Variants in RIT2 observed in about 807,000 individuals in gnomAD.
RIT2 encodes Ras like without CAAX 2.
RIT2 carries 24 observed loss-of-function variants against 23.7 expected under a neutral mutation model. The observed-to-expected ratio is 1.01, with a 90% CI of 0.73 to 1.43. The LOEUF is 1.43. Ranked by LOEUF, RIT2 falls within the 40% of genes most tolerant of loss-of-function variation. RIT2 has a pLI of 0.00. For synonymous variants in RIT2, 107 were observed against 91.1 expected (o/e 1.17, Z -0.99); for missense variants, 236 against 266.9 (o/e 0.88, Z 0.81).
At chr18:43,089,514 T>TA (rs902901002) in intron 1 of RIT2, among the ~76,000 whole-genome samples, 3 of 149,520 alleles carry the variant, frequency 2.0e-5, no homozygotes, top group East Asian at 2.0e-4. Flanking sequence ...AGACAATTTG[T>TA]AAAAAAAACT....
intron 4 of RIT2, among the ~76,000 whole-genome samples, chr18:42,881,648 C>A (rs1439718714): frequency 6.6e-6 from 1 of 152,126 alleles, no homozygotes; most frequent in Non-Finnish European, 1.5e-5. Context: ...ATCTTTATAT[C>A]TTTATCTGTC....
intron 2 of RIT2, among the ~76,000 whole-genome samples, chr18:43,015,401 C>G (rs1911451011): frequency 6.6e-6 from 1 of 151,532 alleles, no homozygotes; most frequent in Non-Finnish European, 1.5e-5. Context: ...TAAGTTTAAT[C>G]TGAAGTGGTA....
intron 1 of RIT2, among the ~76,000 whole-genome samples, chr18:43,053,814 C>T (rs1023279941): frequency 6.6e-6 from 1 of 152,050 alleles, no homozygotes; most frequent in Non-Finnish European, 1.5e-5. Flanking sequence ...CTTTCATATG[C>T]AAAGTAGTTC....
chr18:43,027,481 A>T (rs1424566224), intron 2 of RIT2, among the ~76,000 whole-genome samples: 1 of 152,048 alleles, frequency 6.6e-6, no homozygotes, highest in Non-Finnish European at 1.5e-5. Flanking sequence ...ATGTAGGAGC[A>T]TTGGCAGTTC....
chr18:42,794,151 GC>G (rs1178738908), intron 4 of RIT2, among the ~76,000 whole-genome samples: 1 of 152,104 alleles, frequency 6.6e-6, no homozygotes, highest in Non-Finnish European at 1.5e-5. Flanking sequence ...TGAAGGTAAG[GC>G]CAGGCACTCC....
intron 4 of RIT2, among the ~76,000 whole-genome samples, chr18:42,872,064 T>C (rs1313154965): frequency 6.6e-6 from 1 of 152,104 alleles, no homozygotes; most frequent in Non-Finnish European, 1.5e-5. Context: ...TTCATCATCT[T>C]GCTTTAAAAA....
At chr18:42,909,241 T>C (rs1908704021) in intron 4 of RIT2, among the ~76,000 whole-genome samples, 1 of 152,132 alleles carries the variant, frequency 6.6e-6, no homozygotes, top group Non-Finnish European at 1.5e-5. Context: ...AAATATCATA[T>C]GTTCTCACTT....
At chr18:43,114,349 T>C (rs1344949216) in intron 1 of RIT2, among the ~76,000 whole-genome samples, 1 of 152,136 alleles carries the variant, frequency 6.6e-6, no homozygotes, top group East Asian at 1.9e-4. Flanking sequence ...ATCTCCTTCC[T>C]CTTCCTTTAC....
chr18:42,941,612 G>A (rs1909601865), intron 3 of RIT2, among the ~76,000 whole-genome samples: 2 of 152,132 alleles, frequency 1.3e-5, no homozygotes, highest in Non-Finnish European at 2.9e-5. Flanking sequence ...ATTAAGCAGT[G>A]TTGTTGTGGA....
intron 4 of RIT2, among the ~76,000 whole-genome samples, chr18:42,822,096 A>G (rs939712896): frequency 2.6e-5 from 4 of 152,154 alleles, no homozygotes; most frequent in Non-Finnish European, 5.9e-5. Context: ...AGCTAAATGC[A>G]GAGGAGACAG....
chr18:43,058,021 T>A (rs2144318628), intron 1 of RIT2, among the ~76,000 whole-genome samples: 1 of 152,162 alleles, frequency 6.6e-6, no homozygotes, highest in South Asian at 2.1e-4. Context: ...AGATTTTAAT[T>A]TTGGCATAGC....
intron 3 of RIT2, among the ~76,000 whole-genome samples, chr18:42,938,528 A>G (rs942112024): frequency 6.6e-6 from 1 of 152,184 alleles, no homozygotes; most frequent in Non-Finnish European, 1.5e-5. Flanking sequence ...CTGTTGAAGG[A>G]AGACTTAACA....
At position 42,779,412 on chromosome 18, in the gene RIT2, A is replaced by C. The variant is rs1156915091; in HGVS notation, c.427-35692T>G. Among the ~76,000 whole-genome samples, 4 of 152,282 alleles carry C rather than the reference A, an allele frequency of 2.6e-5. No individual in the cohort carries two copies. The East Asian group carries it at 5.8e-4, about 22-fold the overall frequency. On this transcript the variant is annotated intron_variant, in intron 4 of 4. Transcript: ENST00000326695. Reference sequence around the variant, plus strand: ...AACACATAACCTGATCACATGGAGAAAATTCCCTCATAACATCCTACAGTG... The same window carrying C: ...AACACATAACCTGATCACATGGAGACAATTCCCTCATAACATCCTACAGTG...
intron 4 of RIT2, among the ~76,000 whole-genome samples, chr18:42,921,200 G>T (rs971170932): frequency 1.6e-4 from 25 of 152,112 alleles, no homozygotes; most frequent in Admixed American, 1.2e-3. Flanking sequence ...GCAGTTTTAA[G>T]AATAATTATT....
chr18:42,945,703 A>G (rs1909713079), intron 3 of RIT2, among the ~76,000 whole-genome samples: 1 of 152,132 alleles, frequency 6.6e-6, no homozygotes, highest in African/African-American at 2.4e-5. Context: ...TCCTTTTTAA[A>G]ACATGCATGC....
chr18:42,806,126 TATA>T (rs1905677388), intron 4 of RIT2, among the ~76,000 whole-genome samples: 2 of 144,778 alleles, frequency 1.4e-5, no homozygotes, highest in Admixed American at 6.9e-5. Flanking sequence ...TATATATATA[TATA>T]TTTTACAAAT....
chr18:43,025,944 A>G (rs950264104), intron 2 of RIT2, among the ~76,000 whole-genome samples: 1 of 152,144 alleles, frequency 6.6e-6, no homozygotes, highest in African/African-American at 2.4e-5. Context: ...CAATATATCC[A>G]TGAAACAAAA....
chr18:43,069,226 T>C (rs1446643509), intron 1 of RIT2, among the ~76,000 whole-genome samples: 1 of 147,914 alleles, frequency 6.8e-6, no homozygotes, highest in Non-Finnish European at 1.5e-5. Flanking sequence ...TTATCCTATA[T>C]ATAAACAAGC....
chr18:42,919,736 T>A (rs1028197369), intron 4 of RIT2, among the ~76,000 whole-genome samples: 1 of 151,642 alleles, frequency 6.6e-6, no homozygotes, highest in Non-Finnish European at 1.5e-5. Flanking sequence ...GTTTGTGGTC[T>A]GCAATTGACA....
Sources: gnomAD v4.1 joint callset for allele counts (sites outside exome capture counted in the v4.1 genomes callset) on GRCh38, gnomAD v4.1.1 for gene constraint, MANE v1.5 for transcripts, NCBI Gene and HGNC (gene_info 2026-07-23, HGNC 2026-07-21) for gene names.